TP63: variants seen among roughly 807,000 people sequenced by gnomAD.
TP63 encodes tumor protein p63.
In TP63, 17 loss-of-function variants were observed where a neutral mutation model predicts 82.8. That is an observed-to-expected ratio of 0.21 (90% CI 0.14 to 0.31). The LOEUF (loss-of-function observed/expected upper bound fraction) is 0.31, where lower values mean the gene tolerates loss of function less well. TP63 is among the 10% of genes least tolerant of loss of function. TP63 has a pLI of 1.00. For missense variants in TP63, 648 were observed against 895.3 expected (o/e 0.72, Z 3.52); for synonymous variants, 330 against 321.7 (o/e 1.03, Z -0.28).
chr3:189,643,502 A>G (rs747883583), intron 1 of TP63, among the ~76,000 whole-genome samples: 2 of 151,580 alleles, frequency 1.3e-5, no homozygotes, highest in Non-Finnish European at 2.9e-5. Context: ...TTCTGTTGAT[A>G]ACTCAGAAAT....
intron 5 of TP63, among the ~76,000 whole-genome samples, chr3:189,865,149 A>G (rs1312782673): frequency 1.3e-5 from 2 of 152,192 alleles, no homozygotes; most frequent in Admixed American, 6.5e-5. Flanking sequence ...GAGACCTGGA[A>G]GGGTAAGAGA....
At chr3:189,704,877 A>G (rs1718086517) in intron 1 of TP63, among the ~76,000 whole-genome samples, 3 of 152,234 alleles carry the variant, frequency 2.0e-5, no homozygotes, top group Non-Finnish European at 4.4e-5. Context: ...TCTCTCATCC[A>G]TGAAAATTTT....
intron 3 of TP63, among the ~76,000 whole-genome samples, chr3:189,768,177 G>A (rs527809939): frequency 9.2e-5 from 14 of 152,142 alleles, no homozygotes; most frequent in South Asian, 2.1e-4. Context: ...TTTGCAAAAC[G>A]GGATTAATAT....
At chr3:189,835,606 A>G (rs1454060996) in intron 4 of TP63, among the ~76,000 whole-genome samples, 1 of 152,140 alleles carries the variant, frequency 6.6e-6, no homozygotes, top group Non-Finnish European at 1.5e-5. Context: ...TCTGGGTTCA[A>G]AGCATTTTAA....
chr3:189,804,194 A>G (rs1169156210), intron 3 of TP63, among the ~76,000 whole-genome samples: 1 of 152,176 alleles, frequency 6.6e-6, no homozygotes, highest in Admixed American at 6.5e-5. Context: ...TAAGCATTGC[A>G]TTAACATCCC....
At chr3:189,631,053 T>C (rs1039805134), upstream of TP63, among the ~76,000 whole-genome samples, 2 of 152,172 alleles carry the variant, frequency 1.3e-5, no homozygotes, top group Non-Finnish European at 2.9e-5. Flanking sequence ...GTTATGTAGC[T>C]GGAGCAGGGT....
intron 1 of TP63, among the ~76,000 whole-genome samples, chr3:189,636,236 A>T (rs1246962079): frequency 1.3e-5 from 2 of 152,184 alleles, no homozygotes; most frequent in Non-Finnish European, 2.9e-5. Context: ...CGGTGAGTGC[A>T]TTTAAATAGC....
At chr3:189,777,422 C>A (rs1723884208) in intron 3 of TP63, among the ~76,000 whole-genome samples, 1 of 152,118 alleles carries the variant, frequency 6.6e-6, no homozygotes, top group African/African-American at 2.4e-5. Context: ...GTCTCAAACT[C>A]CTGACCTCAG....
chr3:189,621,212 C>T, the TP63 span, among the ~76,000 whole-genome samples: 1 of 152,040 alleles, frequency 6.6e-6, no homozygotes, highest in Non-Finnish European at 1.5e-5. Context: ...GAAATAATTA[C>T]AATTAGGAGC....
chr3:189,757,260 A>G (rs1722251540), intron 3 of TP63, among the ~76,000 whole-genome samples: 1 of 152,168 alleles, frequency 6.6e-6, no homozygotes, highest in Non-Finnish European at 1.5e-5. Context: ...GGATTTCTGG[A>G]CCCATTTTTC....
At chr3:189,869,612 T>C (rs1473158874) in intron 9 of TP63, among the ~76,000 whole-genome samples, 1 of 152,146 alleles carries the variant, frequency 6.6e-6, no homozygotes, top group African/African-American at 2.4e-5. Context: ...GAGATCAAGG[T>C]GCCCCTATGG....
intron 4 of TP63, among the ~76,000 whole-genome samples, chr3:189,855,199 A>G (rs1434079898): frequency 6.6e-6 from 1 of 152,206 alleles, no homozygotes; most frequent in African/African-American, 2.4e-5. Context: ...ATACAATTGA[A>G]GAACAAAATG....
chr3:189,667,565 T>C (rs1714511571), intron 1 of TP63, among the ~76,000 whole-genome samples: 1 of 151,952 alleles, frequency 6.6e-6, no homozygotes, highest in Non-Finnish European at 1.5e-5. Flanking sequence ...GGAGCTCTTG[T>C]AGGGTGTCTG....
intron 3 of TP63, among the ~76,000 whole-genome samples, chr3:189,760,767 C>T (rs533582402): frequency 1.3e-5 from 2 of 152,318 alleles, no homozygotes; most frequent in East Asian, 3.9e-4. Flanking sequence ...CTGCCCTGCC[C>T]TAATAGAGGT....
At chr3:189,816,922 T>G (rs1728248390) in intron 4 of TP63, among the ~76,000 whole-genome samples, 1 of 151,932 alleles carries the variant, frequency 6.6e-6, no homozygotes, top group Admixed American at 6.6e-5. Flanking sequence ...TATTGTGAGG[T>G]AAATTAGGGA....
chr3:189,675,556 G>A lies in TP63; in HGVS notation c.62+43979G>A, dbSNP rs575653079. On this transcript the variant is annotated intron_variant, in intron 1 of 13. Coordinates refer to ENST00000264731, the MANE Select transcript of TP63 (RefSeq NM_003722.5). ...TATATAAGTCACATATAAATTTAGAGGTCATAAATATTCCCCATATTCCCA... is the reference window on the plus strand; with the variant it reads ...TATATAAGTCACATATAAATTTAGAAGTCATAAATATTCCCCATATTCCCA... Among the ~76,000 whole-genome samples the A allele has an allele frequency of 3.3e-5, 5 of 152,174 alleles. No individual in the cohort carries two copies. In the East Asian group the frequency reaches 9.7e-4, roughly 29 times the overall value.
At chr3:189,700,508 T>C (rs1717722779) in intron 1 of TP63, among the ~76,000 whole-genome samples, 1 of 152,156 alleles carries the variant, frequency 6.6e-6, no homozygotes. Context: ...GGAAATAAAG[T>C]ACATGGTAAT....
At chr3:189,834,321 A>G (rs1042019915) in intron 4 of TP63, among the ~76,000 whole-genome samples, 12 of 152,170 alleles carry the variant, frequency 7.9e-5, no homozygotes, top group African/African-American at 2.9e-4. Context: ...TGGCACTGAC[A>G]GTGCTTTGAT....
At chr3:189,724,327 A>G (rs1719613141) in intron 1 of TP63, among the ~76,000 whole-genome samples, 1 of 152,098 alleles carries the variant, frequency 6.6e-6, no homozygotes, top group Admixed American at 6.6e-5. Context: ...TTAATTCTTA[A>G]TAATGATTTA....
Sources: allele counts gnomAD v4.1 joint callset (sites outside exome capture counted in the v4.1 genomes callset), GRCh38; gene constraint gnomAD v4.1.1; transcripts MANE v1.5; gene names NCBI Gene and HGNC (gene_info 2026-07-23, HGNC 2026-07-21).